SHANK2: variants seen among roughly 807,000 people sequenced by gnomAD.
The protein encoded by SHANK2 is SH3 and multiple ankyrin repeat domains 2.
Under a neutral mutation model 133.7 loss-of-function variants are expected in SHANK2, and 43 were observed. The observed-to-expected ratio is 0.32, with a 90% CI of 0.25 to 0.41. SHANK2 has a LOEUF of 0.41. Among genes scored for constraint, SHANK2 ranks in the 10% least tolerant of loss-of-function variants. SHANK2 has a pLI of 1.00. For missense variants in SHANK2, 1,994 were observed against 2,235.8 expected (o/e 0.89, Z 2.18); for synonymous variants, 1,017 against 952.8 (o/e 1.07, Z -1.24).
intron 17 of SHANK2, among the ~76,000 whole-genome samples, chr11:70,593,561 A>C (rs1481306812): frequency 6.6e-6 from 1 of 152,166 alleles, no homozygotes; most frequent in East Asian, 1.9e-4. Flanking sequence ...GTGTCAGAAA[A>C]TACTAGAGTG....
chr11:71,066,101 T>G (rs1951055592), intron 9 of SHANK2, among the ~76,000 whole-genome samples: 3 of 22,562 alleles, frequency 1.3e-4, no homozygotes, highest in African/African-American at 5.9e-4. Context: ...GGGGGGGGTG[T>G]GTGCAGAACT....
chr11:71,123,061 C>A (rs1952108818), intron 3 of SHANK2, among the ~76,000 whole-genome samples: 1 of 152,164 alleles, frequency 6.6e-6, no homozygotes, highest in Non-Finnish European at 1.5e-5. Flanking sequence ...GAGCTCCCCT[C>A]CCTCCATACG....
chr11:70,509,090 G>T (rs1451728723), intron 17 of SHANK2, among the ~76,000 whole-genome samples: 2 of 152,234 alleles, frequency 1.3e-5, no homozygotes, highest in African/African-American at 4.8e-5. Flanking sequence ...CAAACTTCTT[G>T]TCTCCAGAGC....
chr11:70,873,245 T>C (rs1949500045), intron 11 of SHANK2: 1 of 411,380 alleles, frequency 2.4e-6, no homozygotes, highest in African/African-American at 2.1e-5. Flanking sequence ...TTTGATACAA[T>C]TTGCTTGGAA....
At chr11:71,120,018 C>T (rs139123156) in intron 3 of SHANK2, among the ~76,000 whole-genome samples, 6 of 152,274 alleles carry the variant, frequency 3.9e-5, no homozygotes, top group African/African-American at 1.2e-4. Context: ...CCAAAGGACA[C>T]AGGAAAGCAA....
intron 17 of SHANK2, among the ~76,000 whole-genome samples, chr11:70,557,024 G>A (rs891917957): frequency 3.9e-5 from 6 of 152,220 alleles, no homozygotes; most frequent in East Asian, 3.9e-4. Context: ...ACACCTAGGC[G>A]AGCCTGACTG....
intron 8 of SHANK2, among the ~76,000 whole-genome samples, chr11:71,076,179 C>T (rs1417989304): frequency 1.3e-5 from 2 of 152,150 alleles, no homozygotes; most frequent in Non-Finnish European, 2.9e-5. Flanking sequence ...CCACACACTG[C>T]TCGACATGGT....
chr11:70,716,902 C>G (rs1485096538), intron 14 of SHANK2, among the ~76,000 whole-genome samples: 1 of 150,276 alleles, frequency 6.7e-6, no homozygotes, highest in East Asian at 1.9e-4. Context: ...GGAGCCCCCC[C>G]CCCGCCCAAC....
At chr11:70,735,499 T>C (rs1946384866) in intron 14 of SHANK2, among the ~76,000 whole-genome samples, 2 of 150,910 alleles carry the variant, frequency 1.3e-5, no homozygotes, top group South Asian at 2.1e-4. Flanking sequence ...AGGTCAGGAG[T>C]TCGAGGCCAG....
intron 2 of SHANK2, among the ~76,000 whole-genome samples, chr11:71,215,547 T>C (rs1396288995): frequency 6.6e-6 from 1 of 152,142 alleles, no homozygotes; most frequent in Non-Finnish European, 1.5e-5. Context: ...AAGGAAGGCC[T>C]GCTGAGGATG....
chr11:71,080,737 A>T (rs1951287903), intron 8 of SHANK2, among the ~76,000 whole-genome samples: 1 of 152,220 alleles, frequency 6.6e-6, no homozygotes, highest in African/African-American at 2.4e-5. Context: ...CCGTCAGTAG[A>T]GAAACAACGT....
At position 70,535,349 on chromosome 11, in the gene SHANK2, T is replaced by C. The variant is rs199685986; in HGVS notation, c.2062-32418A>G. ...TCCCTCTGTTCTTCCATTCATCCAT[T>C]CATTATCTACCATCATCCATCTGCC... is the stretch of plus-strand genomic sequence containing the variant. On this transcript the variant is annotated intron_variant, in intron 17 of 25. Transcript: ENST00000601538. The surrounding 1 kb of genome is among the most constrained non-coding windows in gnomAD (Gnocchi z 4.3). Among the ~76,000 whole-genome samples the C allele has an allele frequency of 1.1e-5, 1 of 93,140 alleles. No homozygotes were observed. The highest frequency in any genetic ancestry group is 2.6e-5 in the Non-Finnish European group (1 of 38,006). The allele number at this position is 93,140 out of a possible 152,430, so 61.1% of individuals were successfully genotyped here. A position where few individuals can be genotyped will look rare whatever the true frequency, so the allele number is the denominator to read the frequency against.
intron 2 of SHANK2, among the ~76,000 whole-genome samples, chr11:71,164,233 T>C (rs1953092006): frequency 6.6e-6 from 1 of 152,196 alleles, no homozygotes; most frequent in Non-Finnish European, 1.5e-5. Context: ...AGCCAAGTTC[T>C]TAAAATCCCA....
intron 17 of SHANK2, among the ~76,000 whole-genome samples, chr11:70,640,826 C>T (rs2061168773): frequency 6.6e-6 from 1 of 152,210 alleles, no homozygotes; most frequent in Non-Finnish European, 1.5e-5. Context: ...GCAAGTCCAC[C>T]TTGCAGAGCT....
intron 17 of SHANK2, among the ~76,000 whole-genome samples, chr11:70,533,923 G>C (rs2059511730): frequency 2.6e-5 from 4 of 152,204 alleles, no homozygotes. Flanking sequence ...TCACCCACAA[G>C]GTGGCACGTC....
intron 17 of SHANK2, among the ~76,000 whole-genome samples, chr11:70,544,644 T>C (rs1246273264): frequency 6.6e-6 from 1 of 152,230 alleles, no homozygotes; most frequent in Non-Finnish European, 1.5e-5. Context: ...GACCAGCAGA[T>C]GGACTTGGGA....
intron 17 of SHANK2, among the ~76,000 whole-genome samples, chr11:70,646,737 A>G (rs1242868704): frequency 6.6e-6 from 1 of 152,248 alleles, no homozygotes; most frequent in African/African-American, 2.4e-5. Flanking sequence ...TTTTCAAGGA[A>G]TCACAGTCCA....
chr11:71,085,730 TATA>T (rs1245475823), intron 8 of SHANK2, among the ~76,000 whole-genome samples: 1 of 73,136 alleles, frequency 1.4e-5, no homozygotes, highest in Non-Finnish European at 2.3e-5. Flanking sequence ...TTATATAAAA[TATA>T]ATATATTATA....
chr11:70,709,767 A>G (rs755221213), intron 14 of SHANK2, among the ~76,000 whole-genome samples: 124 of 152,154 alleles, frequency 8.1e-4, no homozygotes, highest in Non-Finnish European at 1.2e-3. Flanking sequence ...GGGGTTGGGG[A>G]AGAGACTTGG....
Sources: allele counts gnomAD v4.1 joint callset (sites outside exome capture counted in the v4.1 genomes callset), GRCh38; gene constraint gnomAD v4.1.1; non-coding constraint Gnocchi (gnomAD v3.1); transcripts MANE v1.5; gene names NCBI Gene and HGNC (gene_info 2026-07-23, HGNC 2026-07-21).